ADAMTS14: variants seen among roughly 807,000 people sequenced by gnomAD.
The protein encoded by ADAMTS14 is ADAM metallopeptidase with thrombospondin type 1 motif 14.
ADAMTS14 carries 100 observed loss-of-function variants against 128.6 expected under a neutral mutation model. The observed-to-expected ratio is 0.78, with a 90% CI of 0.66 to 0.92. The LOEUF is 0.92. ADAMTS14 is among the 40% of genes least tolerant of loss of function. The pLI, the probability that ADAMTS14 is intolerant of heterozygous loss-of-function variation, is 0.00. For synonymous variants in ADAMTS14, 665 were observed against 653.8 expected, an observed-to-expected ratio of 1.02 and a Z score of -0.26; for missense variants, 1,562 against 1,658.6, an observed-to-expected ratio of 0.94 and a Z score of 1.01.
intron 3 of ADAMTS14, among the ~76,000 whole-genome samples, chr10:70,705,386 G>T (rs1034225896): frequency 6.6e-6 from 1 of 152,244 alleles, no homozygotes; most frequent in African/African-American, 2.4e-5. Flanking sequence ...CCGAGCTCGG[G>T]CTCTCCGTGG....
At position 70,675,012 on chromosome 10, in the gene ADAMTS14, T is replaced by C; in HGVS notation, c.522+17T>C. On this transcript the variant is annotated intron_variant, in intron 2 of 21. Coordinates refer to ENST00000373207, the MANE Select transcript of ADAMTS14 (RefSeq NM_080722.4). Reference sequence around the variant, plus strand: ...GACGGATTGGTAAGGGATGAGACTTTCATTAAGCTGCATCCTCCCCCTCCC... The same window carrying C: ...GACGGATTGGTAAGGGATGAGACTTCCATTAAGCTGCATCCTCCCCCTCCC... 6.2e-7 allele frequency: 1 copy of C among 1,606,616 alleles called. No individual in the cohort carries two copies. The highest frequency in any genetic ancestry group is 8.5e-7 in the Non-Finnish European group (1 of 1,177,534).
intron 2 of ADAMTS14, among the ~76,000 whole-genome samples, chr10:70,692,013 G>C (rs1840206445): frequency 6.6e-6 from 1 of 152,038 alleles, no homozygotes; most frequent in Admixed American, 6.6e-5. Context: ...AAAGCCTCCA[G>C]GGTTTGGATG....
intron 8 of ADAMTS14, 35 bp from the exon 9 acceptor site, chr10:70,735,134 T>C: frequency 6.3e-7 from 1 of 1,595,946 alleles, no homozygotes. Context: ...CTTCCTGCTG[T>C]CAGCCTGGCT....
chr10:70,745,186 C>G, intron 14 of ADAMTS14, 40 bp from the exon 15 acceptor site: 1 of 1,597,094 alleles, frequency 6.3e-7, no homozygotes, highest in Non-Finnish European at 8.5e-7. Context: ...GGACCACCAG[C>G]TTAGGATGCT....
intron 15 of ADAMTS14, 54 bp downstream of exon 15, chr10:70,745,360 A>T: frequency 6.3e-7 from 1 of 1,589,916 alleles, no homozygotes; most frequent in Non-Finnish European, 8.6e-7. Flanking sequence ...CTGCCCTCTG[A>T]CTTGGGGGAG....
chr10:70,690,519 T>G (rs1044320159), intron 2 of ADAMTS14, among the ~76,000 whole-genome samples: 5 of 145,402 alleles, frequency 3.4e-5, no homozygotes, highest in African/African-American at 1.2e-4. Flanking sequence ...CACTGCCAAG[T>G]CCCTCATCGG....
intron 5 of ADAMTS14, 131 bp downstream of exon 5, chr10:70,729,508 A>G (rs1589307917): frequency 2.5e-6 from 2 of 793,740 alleles, no homozygotes; most frequent in East Asian, 5.3e-5. Flanking sequence ...ACTTGAGGCT[A>G]TTAGAATTGT....
intron 3 of ADAMTS14, among the ~76,000 whole-genome samples, chr10:70,705,383 C>T (rs952533870): frequency 1.3e-5 from 2 of 152,224 alleles, no homozygotes; most frequent in Admixed American, 6.5e-5. Context: ...AGCCCGAGCT[C>T]GGGCTCTCCG....
chr10:70,689,257 T>C (rs1282991941), intron 2 of ADAMTS14, among the ~76,000 whole-genome samples: 1 of 144,910 alleles, frequency 6.9e-6, no homozygotes, highest in Non-Finnish European at 1.6e-5. Context: ...GGGAGTTTGT[T>C]TTAAGGCCTG....
chr10:70,679,669 T>C (rs1177328024), intron 2 of ADAMTS14, among the ~76,000 whole-genome samples: 2 of 152,250 alleles, frequency 1.3e-5, no homozygotes, highest in Non-Finnish European at 2.9e-5. Context: ...GACGGGAGCT[T>C]GGCTGCACCG....
rs1841065639 is a variant in ADAMTS14, at chr10:70,716,790, G to A, written c.870+8012G>A. On this transcript the variant is annotated intron_variant, in intron 4 of 21. Transcript: ENST00000373207. Reference sequence around the variant, plus strand: ...ATTGTGCTCTCAACCCAGGGAGGAGGGGGCAGAAGCCATTAGTGAAGCACC... The same window carrying A: ...ATTGTGCTCTCAACCCAGGGAGGAGAGGGCAGAAGCCATTAGTGAAGCACC... Among the ~76,000 whole-genome samples, 3 of 152,172 alleles carry A rather than the reference G, an allele frequency of 2.0e-5. No individual in the cohort carries two copies. In the South Asian group the frequency reaches 6.2e-4, roughly 32 times the overall value.
At chr10:70,760,339 G>T in intron 21 of ADAMTS14, 21 bp from the exon 22 acceptor site, 1 of 1,521,482 alleles carries the variant, frequency 6.6e-7, no homozygotes, top group Non-Finnish European at 8.8e-7. Context: ...TTCCATCCTT[G>T]TCCTTGTGCT....
At chr10:70,705,772 C>T (rs1840646870) in intron 3 of ADAMTS14, among the ~76,000 whole-genome samples, 2 of 152,220 alleles carry the variant, frequency 1.3e-5, no homozygotes, top group Non-Finnish European at 1.5e-5. Flanking sequence ...TGTCTTGATG[C>T]TTCTCTTTAT....
At chr10:70,731,769 A>T (rs1194129099) in intron 6 of ADAMTS14, among the ~76,000 whole-genome samples, 1 of 152,126 alleles carries the variant, frequency 6.6e-6, no homozygotes, top group Non-Finnish European at 1.5e-5. Context: ...CCCATGCCTC[A>T]TCACGTGATC....
intron 2 of ADAMTS14, among the ~76,000 whole-genome samples, chr10:70,702,111 C>A (rs769628590): frequency 1.3e-5 from 2 of 152,200 alleles, no homozygotes; most frequent in Non-Finnish European, 2.9e-5. Context: ...CTTTGCTCAG[C>A]TTTCCTACCA....
intron 2 of ADAMTS14, among the ~76,000 whole-genome samples, chr10:70,688,858 AGGG>A: frequency 3.2e-4 from 2 of 6,264 alleles, no homozygotes; most frequent in Non-Finnish European, 4.6e-4. Context: ...GGGGAGGGGG[AGGG>A]GGAGGGGGAG....
At chr10:70,700,280 C>T (rs77452363) in intron 2 of ADAMTS14, among the ~76,000 whole-genome samples, 10,794 of 152,158 alleles carry the variant, frequency 0.071, 507 homozygotes, top group East Asian at 0.17. Flanking sequence ...CCACACTGTC[C>T]TTCCTGCATT....
At chr10:70,745,197 C>T (rs368965245) in intron 14 of ADAMTS14, 29 bp from the exon 15 acceptor site, 708 of 1,603,052 alleles carry the variant, frequency 4.4e-4, no homozygotes, top group Non-Finnish European at 5.7e-4. Flanking sequence ...TTAGGATGCT[C>T]ACGACTTCTG....
intron 5 of ADAMTS14, 82 bp downstream of exon 5, chr10:70,729,459 G>A: frequency 8.8e-7 from 1 of 1,132,094 alleles, no homozygotes. Context: ...GGTGTGGGCT[G>A]CAGGGGTAAG....
Sources: gnomAD v4.1 joint callset for allele counts (sites outside exome capture counted in the v4.1 genomes callset) on GRCh38, gnomAD v4.1.1 for gene constraint, MANE v1.5 for transcripts, NCBI Gene and HGNC (gene_info 2026-07-23, HGNC 2026-07-21) for gene names.